TPTE: variants seen among roughly 807,000 people sequenced by gnomAD.
The protein encoded by TPTE is putative tyrosine-protein phosphatase TPTE.
Under a neutral mutation model 84.1 loss-of-function variants are expected in TPTE, and 59 were observed. The ratio of observed to expected loss-of-function variants is 0.70; its 90% CI spans 0.57 to 0.87. The LOEUF (loss-of-function observed/expected upper bound fraction) is 0.87, where lower values mean the gene tolerates loss of function less well. Among genes scored for constraint, TPTE ranks in the 40% least tolerant of loss-of-function variants. The pLI, the probability that TPTE is intolerant of heterozygous loss-of-function variation, is 0.00. For synonymous variants in TPTE, 130 were observed against 223.5 expected, an observed-to-expected ratio of 0.58 and a Z score of 3.73; for missense variants, 382 against 659.6, an observed-to-expected ratio of 0.58 and a Z score of 4.61.
chr21:10,600,324 A>T (rs2075665768), intron 21 of TPTE, among the ~76,000 whole-genome samples: 1 of 152,422 alleles, frequency 6.6e-6, no homozygotes, highest in South Asian at 2.1e-4. Flanking sequence ...TTATTAGTAG[A>T]GACGGGGTTT....
chr21:10,573,022 T>C (rs1296961048), intron 14 of TPTE, among the ~76,000 whole-genome samples: 1 of 151,540 alleles, frequency 6.6e-6, no homozygotes, highest in African/African-American at 2.4e-5. Flanking sequence ...ACAGATCAAA[T>C]TCCCAATTAA....
intron 3 of TPTE, among the ~76,000 whole-genome samples, chr21:10,536,971 C>T (rs1350324711): frequency 6.6e-6 from 1 of 152,310 alleles, no homozygotes; most frequent in Non-Finnish European, 1.5e-5. Flanking sequence ...CAGGGTTCCT[C>T]ACACCCAGAG....
chr21:10,539,136 G>C (rs1369311967), intron 4 of TPTE, among the ~76,000 whole-genome samples: 1 of 152,310 alleles, frequency 6.6e-6, no homozygotes, highest in South Asian at 2.1e-4. Flanking sequence ...CAGCTTAAAG[G>C]ACTCAGATTT....
chr21:10,536,702 A>G (rs1309626718), intron 3 of TPTE, among the ~76,000 whole-genome samples: 3 of 152,308 alleles, frequency 2.0e-5, no homozygotes, highest in Non-Finnish European at 4.4e-5. Flanking sequence ...AAACCTCCTA[A>G]CTATAGGCCC....
At chr21:10,525,328 G>A (rs866660817) in intron 2 of TPTE, among the ~76,000 whole-genome samples, 1,302 of 151,676 alleles carry the variant, frequency 8.6e-3, no homozygotes, top group African/African-American at 0.03. Flanking sequence ...AAAGGTGTAT[G>A]AGGGTGGCCT....
chr21:10,547,017 G>A (rs888769586), intron 7 of TPTE, among the ~76,000 whole-genome samples: 1 of 152,304 alleles, frequency 6.6e-6, no homozygotes, highest in Non-Finnish European at 1.5e-5. Context: ...TGCCATCTAG[G>A]ACTTTTATAT....
chr21:10,541,199 C>G (rs1324547005), intron 5 of TPTE, 34 bp downstream of exon 5: 1 of 1,610,788 alleles, frequency 6.2e-7, no homozygotes, highest in Admixed American at 1.7e-5. Context: ...TGACCAGGTG[C>G]AATGGTTCAC....
At chr21:10,605,298 G>C (rs1373216215) in intron 23 of TPTE, 119 bp from the exon 24 acceptor site, 3 of 1,358,170 alleles carry the variant, frequency 2.2e-6, no homozygotes, top group African/African-American at 3.0e-5. Context: ...AAAAAGGGCT[G>C]AGGTTCTATT....
At position 10,541,452 on chromosome 21, in the gene TPTE, A is replaced by G. The variant is rs1222529390; in HGVS notation, c.65+287A>G. On this transcript the variant is annotated intron_variant, in intron 5 of 23. Coordinates refer to ENST00000618007, the MANE Select transcript of TPTE (RefSeq NM_199261.4). ...CATGCCGCTGCATTCCACCCTGGGC[A>G]GCAGGAGCGAAACTGTTGCAAAAAT... Among the ~76,000 whole-genome samples the G allele has an allele frequency of 2.0e-5, 3 of 152,416 alleles. No homozygotes were observed. The East Asian group carries it at 5.8e-4, about 29-fold the overall frequency.
chr21:10,592,432 T>A, intron 19 of TPTE, 59 bp downstream of exon 19: 1 of 1,590,824 alleles, frequency 6.3e-7, no homozygotes, highest in Non-Finnish European at 8.6e-7. Context: ...GATTGCCACC[T>A]GTTATTTGGT....
chr21:10,538,053 T>C (rs1380482105), intron 3 of TPTE, among the ~76,000 whole-genome samples: 1 of 152,310 alleles, frequency 6.6e-6, no homozygotes, highest in Non-Finnish European at 1.5e-5. Flanking sequence ...ACTGCCTATA[T>C]GTGAGACCTT....
At position 10,546,411 on chromosome 21, in the gene TPTE, C is replaced by T. The variant is rs2074468537; in HGVS notation, c.173+3029C>T. Among the ~76,000 whole-genome samples the T allele has an allele frequency of 3.3e-5, 5 of 152,304 alleles. No individual in the cohort carries two copies. The South Asian group carries it at 1.0e-3, about 32-fold the overall frequency. ...GAGACACAACAATATTGAAAGTAAG[C>T]CATTTAGTAAGCCTATGATGGTCTC... On this transcript the variant is annotated intron_variant, in intron 7 of 23. Transcript: ENST00000618007.
At chr21:10,558,755 G>A (rs1302515425) in intron 8 of TPTE, among the ~76,000 whole-genome samples, 1 of 148,348 alleles carries the variant, frequency 6.7e-6, no homozygotes, top group African/African-American at 2.5e-5. Context: ...AGCCTCCTGT[G>A]TTGGAGGCTT....
intron 5 of TPTE, 42 bp downstream of exon 5, chr21:10,541,207 CACACCTGTAATCTG>C (rs1251043325): frequency 6.2e-5 from 100 of 1,609,750 alleles, no homozygotes; most frequent in Non-Finnish European, 1.0e-5. Context: ...TGCAATGGTT[CACACCTGTAATCTG>C]AGCACTTTGG....
chr21:10,582,051 G>A (rs113978987), intron 17 of TPTE, among the ~76,000 whole-genome samples: 1 of 152,310 alleles, frequency 6.6e-6, no homozygotes, highest in African/African-American at 2.4e-5. Context: ...TTGTAATTTT[G>A]AATATAGTGA....
chr21:10,534,191 A>T (rs1228086682), intron 3 of TPTE, among the ~76,000 whole-genome samples: 1 of 152,310 alleles, frequency 6.6e-6, no homozygotes, highest in Non-Finnish European at 1.5e-5. Context: ...AAACAACTAT[A>T]TCACCTTGAA....
At chr21:10,596,335 T>C (rs1216898335) in intron 20 of TPTE, among the ~76,000 whole-genome samples, 1 of 152,310 alleles carries the variant, frequency 6.6e-6, no homozygotes, top group Non-Finnish European at 1.5e-5. Context: ...CTTTCCCATC[T>C]CTCCTGTTCT....
intron 21 of TPTE, among the ~76,000 whole-genome samples, 183 bp downstream of exon 21, chr21:10,598,277 T>C (rs1412039189): frequency 6.6e-6 from 1 of 152,310 alleles, no homozygotes; most frequent in East Asian, 1.9e-4. Context: ...AACCTGTTTG[T>C]TCAAAACAGT....
intron 10 of TPTE, among the ~76,000 whole-genome samples, chr21:10,562,549 TA>T (rs2074830671): frequency 1.3e-5 from 2 of 152,300 alleles, no homozygotes; most frequent in Non-Finnish European, 2.9e-5. Flanking sequence ...TTCTATTAGA[TA>T]AGTTTAACAA....
Sources: allele counts gnomAD v4.1 joint callset (sites outside exome capture counted in the v4.1 genomes callset), GRCh38; gene constraint gnomAD v4.1.1; transcripts MANE v1.5; gene names NCBI Gene and HGNC (gene_info 2026-07-23, HGNC 2026-07-21).